The following PSD3 variants were observed in gnomAD, a reference collection of about 807,000 sequenced individuals.
PSD3 encodes the protein pleckstrin and Sec7 domain containing 3.
In PSD3, 49 loss-of-function variants were observed where a neutral mutation model predicts 105.5. The ratio of observed to expected loss-of-function variants is 0.46; its 90% confidence interval spans 0.37 to 0.59. The LOEUF is 0.59. PSD3 is among the 20% of genes least tolerant of loss of function. The pLI is 0.00. For synonymous variants in PSD3, 557 were observed against 457.8 expected (o/e 1.22, Z -2.77); for missense variants, 1,561 against 1,263.8 (o/e 1.24, Z -3.57).
At chr8:18,793,818 C>A (rs1809978335) in intron 8 of PSD3, among the ~76,000 whole-genome samples, 2 of 152,190 alleles carry the variant, frequency 1.3e-5, no homozygotes, top group Non-Finnish European at 2.9e-5. Context: ...TACTTAACAG[C>A]TGCCAGTTAC....
At chr8:18,899,815 T>C (rs776257749) in intron 2 of PSD3, among the ~76,000 whole-genome samples, 9 of 148,712 alleles carry the variant, frequency 6.1e-5, no homozygotes, top group Non-Finnish European at 1.4e-4. Flanking sequence ...TCTGTGTTTA[T>C]CTTTTCTATT....
chr8:18,596,346 A>T (rs1295304127), intron 12 of PSD3, among the ~76,000 whole-genome samples: 1 of 152,006 alleles, frequency 6.6e-6, no homozygotes, highest in Admixed American at 6.6e-5. Flanking sequence ...CAGATAAAGT[A>T]ATGCAAAGTT....
intron 1 of PSD3, among the ~76,000 whole-genome samples, chr8:19,007,558 T>C (rs1353057269): frequency 6.6e-6 from 1 of 152,066 alleles, no homozygotes; most frequent in Non-Finnish European, 1.5e-5. Flanking sequence ...GCATCGATTC[T>C]ATAAAGTTCA....
At chr8:18,735,847 G>A (rs1051000418) in intron 9 of PSD3, among the ~76,000 whole-genome samples, 5 of 152,142 alleles carry the variant, frequency 3.3e-5, no homozygotes, top group Non-Finnish European at 5.9e-5. Context: ...TAAGAAACAC[G>A]CACCTGAATA....
chr8:18,956,272 G>A (rs183486418), intron 1 of PSD3, among the ~76,000 whole-genome samples: 1 of 152,240 alleles, frequency 6.6e-6, no homozygotes, highest in East Asian at 1.9e-4. Flanking sequence ...AAGAGATCAG[G>A]GCTTCTCAAA....
At chr8:18,780,015 C>T (rs760114327) in intron 8 of PSD3, among the ~76,000 whole-genome samples, 16 of 152,164 alleles carry the variant, frequency 1.1e-4, no homozygotes, top group Non-Finnish European at 1.3e-4. Context: ...GGCTGAGAGT[C>T]AGTTGTTGAA....
intron 10 of PSD3, among the ~76,000 whole-genome samples, chr8:18,636,852 C>T (rs898060137): frequency 6.6e-5 from 10 of 152,164 alleles, no homozygotes; most frequent in East Asian, 1.9e-4. Context: ...GTGATGAATT[C>T]GCCTGATGAC....
At chr8:18,704,531 T>C (rs1020178580) in intron 9 of PSD3, among the ~76,000 whole-genome samples, 1 of 152,094 alleles carries the variant, frequency 6.6e-6, no homozygotes, top group Non-Finnish European at 1.5e-5. Context: ...AGAGACAGGG[T>C]TTCCCCACGC....
chr8:18,827,007 T>C (rs1024888745), intron 4 of PSD3, among the ~76,000 whole-genome samples: 17 of 151,888 alleles, frequency 1.1e-4, no homozygotes, highest in African/African-American at 4.1e-4. Context: ...GGTTCTGACA[T>C]TGTTTCGTAC....
intron 9 of PSD3, among the ~76,000 whole-genome samples, chr8:18,656,256 C>T (rs1014931977): frequency 1.2e-4 from 18 of 151,928 alleles, no homozygotes; most frequent in African/African-American, 3.6e-4. Flanking sequence ...CGGGGTTTCA[C>T]CATGTTGGCC....
chr8:18,631,943 A>G (rs149618103), intron 11 of PSD3, among the ~76,000 whole-genome samples: 19 of 152,108 alleles, frequency 1.2e-4, no homozygotes, highest in African/African-American at 3.6e-4. Flanking sequence ...TCAAATTGCT[A>G]TTTCACTCTG....
At chr8:18,586,360 A>G (rs1388308184) in intron 12 of PSD3, among the ~76,000 whole-genome samples, 1 of 152,154 alleles carries the variant, frequency 6.6e-6, no homozygotes, top group East Asian at 1.9e-4. Context: ...GGAGGGGGAA[A>G]GCCTTTACTA....
intron 2 of PSD3, among the ~76,000 whole-genome samples, chr8:18,933,819 C>A (rs17127464): frequency 2.0e-5 from 3 of 152,218 alleles, no homozygotes; most frequent in African/African-American, 7.2e-5. Flanking sequence ...AGTACCCTGT[C>A]AGGGAAAGAG....
chr8:18,640,346 A>C (rs1016825872), intron 10 of PSD3, among the ~76,000 whole-genome samples: 1 of 152,194 alleles, frequency 6.6e-6, no homozygotes, highest in Non-Finnish European at 1.5e-5. Context: ...ATACATTGTT[A>C]AGTGATACGG....
intron 2 of PSD3, among the ~76,000 whole-genome samples, chr8:18,872,976 C>A (rs1817491567): frequency 6.6e-6 from 1 of 152,162 alleles, no homozygotes; most frequent in Non-Finnish European, 1.5e-5. Flanking sequence ...ATGACACCTG[C>A]CATATTTAAC....
intron 4 of PSD3, among the ~76,000 whole-genome samples, chr8:18,812,943 G>T (rs1021594526): frequency 6.6e-6 from 1 of 152,126 alleles, no homozygotes; most frequent in African/African-American, 2.4e-5. Flanking sequence ...ATCAGACTTG[G>T]GTTTTGGTAA....
chr8:18,806,372 G>T (rs905605659), intron 4 of PSD3, among the ~76,000 whole-genome samples: 1 of 152,186 alleles, frequency 6.6e-6, no homozygotes, highest in East Asian at 1.9e-4. Flanking sequence ...AACACGTTGA[G>T]AACTCCGCCC....
rs373021366 is a variant in PSD3, at chr8:18,621,658, T to C, written c.2410+10955A>G. Among the ~76,000 whole-genome samples the C allele has an allele frequency of 2.6e-3, 390 of 152,258 alleles. 2 individuals carry two copies. Among genetic ancestry groups the C allele is most frequent in the African/African-American group, 9.1e-3 (378 of 41,552 alleles). On this transcript the variant is annotated intron_variant, in intron 11 of 15. Coordinates refer to ENST00000327040, the MANE Select transcript of PSD3 (RefSeq NM_015310.4). Reference sequence around the variant, plus strand: ...CGCGTTCACATGGCTGCCCTCACAGTGCTGTTGTTTGGCCTTGTATTAACA... The same window carrying C: ...CGCGTTCACATGGCTGCCCTCACAGCGCTGTTGTTTGGCCTTGTATTAACA...
At chr8:18,838,759 G>T (rs535356383) in intron 4 of PSD3, among the ~76,000 whole-genome samples, 1 of 150,244 alleles carries the variant, frequency 6.7e-6, no homozygotes, top group South Asian at 2.1e-4. Context: ...CCGCGACAGC[G>T]CCACTGCACT....
Sources: allele counts gnomAD v4.1 joint callset (sites outside exome capture counted in the v4.1 genomes callset), GRCh38; gene constraint gnomAD v4.1.1; transcripts MANE v1.5; gene names NCBI Gene and HGNC (gene_info 2026-07-23, HGNC 2026-07-21).